CREBRF: variants seen among roughly 807,000 people sequenced by gnomAD.
CREBRF encodes the protein UPF0474 protein C5orf41.
CREBRF carries 5 observed loss-of-function variants against 66.1 expected under a neutral mutation model. That is an observed-to-expected ratio of 0.08 (90% CI 0.04 to 0.16). The LOEUF is 0.16. Among genes scored for constraint, CREBRF ranks in the 10% least tolerant of loss-of-function variants. The probability of loss-of-function intolerance (pLI) is 1.00; values close to 1 mark genes in which losing one functional copy is unlikely to be tolerated. For synonymous variants in CREBRF, 229 were observed against 264.4 expected (o/e 0.87, Z 1.30); for missense variants, 531 against 744.9 (o/e 0.71, Z 3.34).
intron 8 of CREBRF, among the ~76,000 whole-genome samples, chr5:173,132,666 C>G (rs1417774247): frequency 7.2e-6 from 1 of 138,492 alleles, no homozygotes; most frequent in African/African-American, 2.7e-5. Flanking sequence ...GTGGCATGAT[C>G]TTGGCTGGCC....
intron 4 of CREBRF, among the ~76,000 whole-genome samples, chr5:173,092,541 A>G (rs1333091530): frequency 6.6e-6 from 1 of 152,242 alleles, no homozygotes; most frequent in African/African-American, 2.4e-5. Flanking sequence ...AACTAAAGTT[A>G]TCTTCTTCAA....
In CREBRF at chr5:173,065,891, C is replaced by T. The variant is rs1023605808; in HGVS notation, c.-192+9412C>T. On this transcript the variant is annotated intron_variant, in intron 1 of 8. Coordinates refer to ENST00000296953, the MANE Select transcript of CREBRF (RefSeq NM_153607.3). Reference sequence around the variant, plus strand: ...GGCTCAAGCCACCCACCCACCTTGGCGTCCCAAAATGTGCGATTACAGGCG... The same window carrying T: ...GGCTCAAGCCACCCACCCACCTTGGTGTCCCAAAATGTGCGATTACAGGCG... Among the ~76,000 whole-genome samples the T allele has an allele frequency of 3.9e-5, 6 of 152,204 alleles. No homozygotes were observed. The South Asian group carries it at 6.2e-4, about 16-fold the overall frequency.
rs547585654 is a variant in CREBRF at position 173,124,031 on chromosome 5, G to T, written c.1804+829G>T. 2.0e-5 allele frequency: 3 copies of T among 151,708 alleles called. No individual in the cohort carries two copies. The South Asian group carries it at 6.2e-4, about 32-fold the overall frequency. The allele number at this position is 151,708 out of a possible 1,614,324, so 9.4% of individuals were successfully genotyped here. On this transcript the variant is annotated intron_variant, in intron 8 of 8. Coordinates refer to ENST00000296953, the MANE Select transcript of CREBRF (RefSeq NM_153607.3). ...CTTTTCTTTCCTTTTATTTTTAAAA[G>T]CATTTTTATTCTTCCTTTATTAGCT... is the stretch of plus-strand genomic sequence containing the variant.
chr5:173,123,582 GT>G, intron 8 of CREBRF: 1 of 219,078 alleles, frequency 4.6e-6, no homozygotes, highest in Non-Finnish European at 8.9e-6. Flanking sequence ...TGGCTCTCTG[GT>G]TTCCCATCCC....
chr5:173,062,227 T>C (rs1322380298), intron 1 of CREBRF, among the ~76,000 whole-genome samples: 1 of 152,206 alleles, frequency 6.6e-6, no homozygotes, highest in Non-Finnish European at 1.5e-5. Context: ...TCCTGGCTTA[T>C]TTGTCTTCCC....
At chr5:173,065,288 G>C (rs911883259) in intron 1 of CREBRF, among the ~76,000 whole-genome samples, 1 of 152,108 alleles carries the variant, frequency 6.6e-6, no homozygotes, top group Admixed American at 6.5e-5. Context: ...TGTGGGGTTG[G>C]GTATGAGATG....
At chr5:173,075,485 G>A (rs1757732703) in intron 1 of CREBRF, among the ~76,000 whole-genome samples, 1 of 152,132 alleles carries the variant, frequency 6.6e-6, no homozygotes, top group African/African-American at 2.4e-5. Flanking sequence ...GGACTGTTTT[G>A]TTCTACTCTT....
chr5:173,121,198 G>T (rs777246421), intron 7 of CREBRF, among the ~76,000 whole-genome samples: 5 of 152,100 alleles, frequency 3.3e-5, no homozygotes, highest in African/African-American at 7.2e-5. Context: ...TGGGTAGGGG[G>T]TTGTCAGTGT....
chr5:173,109,804 A>G (rs990469972), intron 5 of CREBRF: 4 of 152,828 alleles, frequency 2.6e-5, no homozygotes, highest in African/African-American at 7.2e-5. Flanking sequence ...CAGGTGTACT[A>G]TATTGTCTCT....
chr5:173,069,404 A>G (rs184425832), intron 1 of CREBRF, among the ~76,000 whole-genome samples: 1 of 151,984 alleles, frequency 6.6e-6, no homozygotes, highest in Admixed American at 6.6e-5. Flanking sequence ...CAGTGCCGCA[A>G]TCTCTACCTC....
At chr5:173,065,491 C>T (rs72814185) in intron 1 of CREBRF, among the ~76,000 whole-genome samples, 5,700 of 152,118 alleles carry the variant, frequency 0.037, 139 homozygotes, top group South Asian at 0.091. Flanking sequence ...GGTTTTTTCC[C>T]CTAGTGTTCC....
At chr5:173,093,626 C>T (rs915483189) in intron 4 of CREBRF, among the ~76,000 whole-genome samples, 1 of 152,218 alleles carries the variant, frequency 6.6e-6, no homozygotes, top group African/African-American at 2.4e-5. Flanking sequence ...AAGCCACCCT[C>T]CCACCACAGC....
At chr5:173,087,852 C>T (rs947319001) in intron 3 of CREBRF, among the ~76,000 whole-genome samples, 2 of 152,096 alleles carry the variant, frequency 1.3e-5, no homozygotes, top group African/African-American at 4.8e-5. Flanking sequence ...GGGACGGAGT[C>T]TCGCTCTGTA....
rs142830951 is a variant in CREBRF, at chr5:173,073,795, G to A, written c.-191-6790G>A. Among the ~76,000 whole-genome samples, 1,012 of 151,916 alleles carry A rather than the reference G, an allele frequency of 6.7e-3. 22 individuals carry two copies. The highest frequency in any genetic ancestry group is 0.023 in the African/African-American group (943 of 41,418). ...ATCCTGGCTAATATGGTGAAACACC[G>A]TCTCTACTAAAGATACAAAAAATTA... On this transcript the variant is annotated intron_variant, in intron 1 of 8. Coordinates refer to ENST00000296953, the MANE Select transcript of CREBRF (RefSeq NM_153607.3).
intron 1 of CREBRF, among the ~76,000 whole-genome samples, chr5:173,074,626 ATTTT>A: frequency 6.6e-6 from 1 of 150,476 alleles, no homozygotes; most frequent in Non-Finnish European, 1.5e-5. Context: ...ATTTATTTTT[ATTTT>A]TTTATTTTTT....
chr5:173,104,773 A>G (rs1392473518), intron 4 of CREBRF, among the ~76,000 whole-genome samples: 1 of 151,298 alleles, frequency 6.6e-6, no homozygotes, highest in Admixed American at 6.6e-5. Context: ...GTGATGGTGA[A>G]TTTATGGTGT....
At chr5:173,086,713 A>T in intron 3 of CREBRF, 87 bp downstream of exon 3, 1 of 1,220,332 alleles carries the variant, frequency 8.2e-7, no homozygotes, top group East Asian at 2.6e-5. Context: ...GCCTGAAAAA[A>T]AAAGATGTGC....
chr5:173,125,330 T>C (rs1235565317), intron 8 of CREBRF, among the ~76,000 whole-genome samples: 1 of 152,238 alleles, frequency 6.6e-6, no homozygotes, highest in Non-Finnish European at 1.5e-5. Flanking sequence ...AATTATTTTC[T>C]GAATTCTGTC....
At position 173,090,626 on chromosome 5, in the gene CREBRF, T is replaced by G. The variant is rs1421320698; in HGVS notation, c.447T>G (p.Ser149=). Residue 149 remains serine (S), a synonymous_variant, in exon 4 of 9, where the codon TCT becomes TCG. Coordinates refer to ENST00000296953, the MANE Select transcript of CREBRF (RefSeq NM_153607.3). This position sits in a 1 kb window ranked among gnomAD's most constrained non-coding sequence, Gnocchi z 4.5. ...LAQLNSEDSQ[S]VSDSLYYPDS... is the part of the protein sequence containing the mutation. ...AACTTAATAGTGAGGACTCACAGTCTGTTTCTGATTCCCTTTATTACCCCG... is the reference window on the plus strand; with the variant it reads ...AACTTAATAGTGAGGACTCACAGTCGGTTTCTGATTCCCTTTATTACCCCG... 6.2e-7 allele frequency: 1 copy of G among 1,614,078 alleles called. No individual in the cohort carries two copies. Among genetic ancestry groups the G allele is most frequent in the African/African-American group, 1.3e-5 (1 of 74,942 alleles).
Sources: gnomAD v4.1 joint callset for allele counts (sites outside exome capture counted in the v4.1 genomes callset) on GRCh38, gnomAD v4.1.1 for gene constraint, Gnocchi (gnomAD v3.1) non-coding constraint, MANE v1.5 for transcripts, NCBI Gene and HGNC (gene_info 2026-07-23, HGNC 2026-07-21) for gene names.